The following CSF2RB variants were observed in gnomAD, a reference collection of about 807,000 sequenced individuals.
The protein encoded by CSF2RB is cytokine receptor common subunit beta.
CSF2RB carries 22 observed loss-of-function variants against 67.2 expected under a neutral mutation model. The observed-to-expected ratio is 0.33, with a 90% CI of 0.23 to 0.47. The LOEUF is 0.47. Among genes scored for constraint, CSF2RB ranks in the 20% least tolerant of loss-of-function variants. CSF2RB has a pLI of 1.00. For missense variants in CSF2RB, 1,113 were observed against 1,174.5 expected, an observed-to-expected ratio of 0.95 and a Z score of 0.76; for synonymous variants, 507 against 482.9, an observed-to-expected ratio of 1.05 and a Z score of -0.65.
At chr22:36,930,346 G>T (rs960490038) in intron 6 of CSF2RB, 29 bp from the exon 7 acceptor site, 2 of 1,613,070 alleles carry the variant, frequency 1.2e-6, no homozygotes, top group African/African-American at 2.7e-5. Context: ...ATGAATGACG[G>T]AGTACATGAG....
intron 1 of CSF2RB, among the ~76,000 whole-genome samples, chr22:36,919,530 T>C (rs1483808469): frequency 3.3e-5 from 5 of 151,740 alleles, no homozygotes; most frequent in Non-Finnish European, 5.9e-5. Flanking sequence ...GCCTCCAGAA[T>C]AGTTGGGATT....
At position 36,939,235 on chromosome 22, in the gene CSF2RB, A is replaced by G. The variant is rs1272574365; in HGVS notation, c.*733A>G. ...TCTGTGGGACCTCCAGTCCCTTGAG[A>G]CCCCACGTCATGTAGAGAAGTTAAC... On this transcript the variant is annotated 3_prime_UTR_variant, in exon 14 of 14. Transcript: ENST00000403662. 2 of 702,164 alleles carry G rather than the reference A, an allele frequency of 2.8e-6. No homozygotes were observed. The highest frequency in any genetic ancestry group is 5.2e-6 in the Non-Finnish European group (2 of 384,808). The allele number at this position is 702,164 out of a possible 1,614,324, so 43.5% of individuals were successfully genotyped here. A position where few individuals can be genotyped will look rare whatever the true frequency, so the allele number is the denominator to read the frequency against.
chr22:36,939,190 T>G lies in CSF2RB; in HGVS notation c.*688T>G, dbSNP rs1237289446. ...CTGTTTGGGAGCTTCTGGGGAGCCC[T>G]GCTAGTTGTCTCAGTGATGTCTGTG... On this transcript the variant is annotated 3_prime_UTR_variant, in exon 14 of 14. Transcript: ENST00000403662. 2 of 702,194 alleles carry G rather than the reference T, an allele frequency of 2.8e-6. No individual in the cohort carries two copies. The highest frequency in any genetic ancestry group is 5.2e-6 in the Non-Finnish European group (2 of 384,834). 43.5% of individuals were successfully genotyped at this position (702,194 alleles called of 1,614,324 possible).
Position 36,922,989 on chromosome 22 carries a change from A to G in CSF2RB, c.77-255A>G, listed in dbSNP as rs1222824658. ...TGGGGGGAGGGGACCGTGCCCAGGA[A>G]CAGCACACTGCGGAGGCCCAGAAAC... On this transcript the variant is annotated intron_variant, in intron 2 of 13. Transcript: ENST00000403662. Among the ~76,000 whole-genome samples the G allele has an allele frequency of 2.6e-5, 4 of 152,258 alleles. No homozygotes were observed. In the East Asian group the frequency reaches 7.7e-4, roughly 29 times the overall value.
intron 3 of CSF2RB, among the ~76,000 whole-genome samples, chr22:36,925,352 A>G (rs907079544): frequency 9.2e-5 from 14 of 152,066 alleles, no homozygotes; most frequent in African/African-American, 3.4e-4. Context: ...CCTGCTTCCA[A>G]CATTGCCACA....
intron 2 of CSF2RB, among the ~76,000 whole-genome samples, chr22:36,923,005 G>C (rs1032449983): frequency 6.6e-6 from 1 of 152,150 alleles, no homozygotes; most frequent in Non-Finnish European, 1.5e-5. Context: ...CACTGCGGAG[G>C]CCCAGAAACC....
rs757035841 is a variant in CSF2RB, at chr22:36,938,365, C to A, written c.2557C>A (p.Gln853Lys). The A allele has an allele frequency of 1.9e-6, 3 of 1,614,200 alleles. No individual in the cohort carries two copies. The highest frequency in any genetic ancestry group is 2.2e-5 in the East Asian group (1 of 44,888). The change falls in exon 14 of 14, where the codon CAG becomes AAG. Residue 853 changes from glutamine (Q) to lysine (K), a missense_variant. By Grantham distance (53) the Gln-to-Lys change is moderately conservative. Coordinates refer to ENST00000403662, the MANE Select transcript of CSF2RB (RefSeq NM_000395.3). The stretch of plus-strand genomic sequence containing the variant: ...CGGTCCTGAGATCAAGAACCTAGAC[C>A]AGGCTTTTCAAGTCAAGAAGCCCCC... Reference protein sequence around the residue: ...GPGPEIKNLDQAFQVKKPPGQ... With the variant: ...GPGPEIKNLDKAFQVKKPPGQ...
chr22:36,933,666 G>A (rs529527070), intron 9 of CSF2RB, among the ~76,000 whole-genome samples, 166 bp from the exon 10 acceptor site: 10 of 152,308 alleles, frequency 6.6e-5, no homozygotes, highest in South Asian at 2.1e-4. Flanking sequence ...AGTGCTGTCC[G>A]TGGGTGGGCC....
rs1801122 is a variant in CSF2RB, at chr22:36,937,615, C to A, written c.1807C>A (p.Pro603Thr). The A allele has an allele frequency of 0.039, 61,304 of 1,572,632 alleles. 1,340 individuals carry two copies. The highest frequency in any genetic ancestry group is 0.044 in the Non-Finnish European group (51,011 of 1,158,662). ...GGGGCCGCCCCACAGCCGCTCCCTA[C>A]CTGACATCCTGGGCCAGCCGGAGCC... Reference protein sequence around the residue: ...YLGPPHSRSLPDILGQPEPPQ... With the variant: ...YLGPPHSRSLTDILGQPEPPQ... The change falls in exon 14 of 14, where the codon CCT (proline) becomes ACT (threonine). Residue 603 changes from proline to threonine, a missense_variant. Coordinates refer to ENST00000403662, the MANE Select transcript of CSF2RB (RefSeq NM_000395.3). This position sits in a 1 kb window ranked among gnomAD's most constrained non-coding sequence, Gnocchi z 4.6.
Position 36,929,478 on chromosome 22 carries a change from TG to T in CSF2RB, c.471del (p.Ser158ValfsTer107). 1 of 1,614,130 alleles carries T rather than the reference TG, an allele frequency of 6.2e-7. No individual in the cohort carries two copies. Among genetic ancestry groups the T allele is most frequent in the East Asian group, 2.2e-5 (1 of 44,856 alleles). The part of the protein sequence containing the change: ...HFLLTWSVAL[G>X]SPQSHWLSPG... ...TCCTGCTGACCTGGAGTGTGGCCCT[TG>T]GGAGTCCCCAGAGCCACTGGTTGTC... On this transcript the variant is annotated frameshift_variant, in exon 5 of 14. Transcript: ENST00000403662. LOFTEE classifies it high-confidence loss of function.
At position 36,938,384 on chromosome 22, in the gene CSF2RB, A is replaced by T. The variant is rs753942094; in HGVS notation, c.2576A>T (p.Lys859Met). The T allele has an allele frequency of 6.2e-7, 1 of 1,614,156 alleles. No individual in the cohort carries two copies. The highest frequency in any genetic ancestry group is 8.5e-7 in the Non-Finnish European group (1 of 1,180,018). ...CTAGACCAGGCTTTTCAAGTCAAGA[A>T]GCCCCCAGGCCAGGCTGTGCCCCAG... is the stretch of plus-strand genomic sequence containing the variant. ...KNLDQAFQVK[K>M]PPGQAVPQVP... Residue 859 changes from lysine to methionine, a missense_variant, in exon 14 of 14, where the codon AAG becomes ATG. By Grantham distance (95) the Lys-to-Met change is moderately conservative. Around this residue, in one of 2 missense-constraint regions of CSF2RB, gnomAD observed 554 missense variants for 517.9 expected, o/e 1.07. Transcript: ENST00000403662.
intron 1 of CSF2RB, among the ~76,000 whole-genome samples, chr22:36,914,311 T>G (rs1194081465): frequency 6.6e-6 from 1 of 152,102 alleles, no homozygotes; most frequent in Non-Finnish European, 1.5e-5. Flanking sequence ...CTGGGTGCGG[T>G]GTGGCTTGAG....
intron 9 of CSF2RB, 104 bp downstream of exon 9, chr22:36,933,008 AC>A: frequency 7.0e-7 from 1 of 1,428,386 alleles, no homozygotes; most frequent in Non-Finnish European, 9.6e-7. Flanking sequence ...TTGGCAGGTG[AC>A]CAGTGAGAGG....
intron 9 of CSF2RB, 84 bp downstream of exon 9, chr22:36,932,988 C>A: frequency 6.4e-7 from 1 of 1,557,236 alleles, no homozygotes; most frequent in Non-Finnish European, 8.7e-7. Context: ...ACCTGCAAGG[C>A]GTCGGGCCCT....
chr22:36,923,506 C>A, intron 3 of CSF2RB, 139 bp downstream of exon 3: 1 of 1,349,630 alleles, frequency 7.4e-7, no homozygotes, highest in Non-Finnish European at 1.0e-6. Flanking sequence ...GGAGGGAGGC[C>A]CTGCAAGAGC....
chr22:36,926,241 T>G (rs1941014957), intron 4 of CSF2RB, 64 bp downstream of exon 4: 1 of 1,537,336 alleles, frequency 6.5e-7, no homozygotes, highest in African/African-American at 1.4e-5. Context: ...GCACCAGGGG[T>G]GGTCCAGGGA....
chr22:36,926,308 G>A lies in CSF2RB; in HGVS notation c.391+131G>A. On this transcript the variant is annotated intron_variant, in intron 4 of 13. Coordinates refer to ENST00000403662, the MANE Select transcript of CSF2RB (RefSeq NM_000395.3). ...TGGGTGAGGGTTTCTTGAGGGATGA[G>A]GGTATGGTCTGGTTACATGGAGACT... 2.2e-6 allele frequency: 2 copies of A among 898,768 alleles called. No individual in the cohort carries two copies. Among genetic ancestry groups the A allele is most frequent in the Non-Finnish European group, 1.7e-6 (1 of 582,374 alleles). The allele number at this position is 898,768 out of a possible 1,614,324, so 55.7% of individuals were successfully genotyped here.
intron 9 of CSF2RB, 45 bp from the exon 10 acceptor site, chr22:36,933,787 C>T (rs745644559): frequency 1.6e-4 from 259 of 1,573,930 alleles, no homozygotes; most frequent in Non-Finnish European, 2.2e-4. Context: ...TGCAGCTGCT[C>T]CCACGGGCAC....
intron 3 of CSF2RB, among the ~76,000 whole-genome samples, chr22:36,925,643 C>T (rs2145793778): frequency 6.6e-6 from 1 of 152,316 alleles, no homozygotes; most frequent in East Asian, 1.9e-4. Flanking sequence ...TGCACAGTCC[C>T]TCCCTCAATG....
Sources: gnomAD v4.1 joint callset for allele counts (sites outside exome capture counted in the v4.1 genomes callset) on GRCh38, gnomAD v4.1.1 for gene constraint, gnomAD v4.1.1 regional missense constraint, Gnocchi (gnomAD v3.1) non-coding constraint, MANE v1.5 for transcripts, NCBI Gene and HGNC (gene_info 2026-07-23, HGNC 2026-07-21) for gene names.